The following ANKRD30A variants were observed in gnomAD, a reference collection of about 807,000 sequenced individuals.
ANKRD30A encodes the protein ankyrin repeat domain-containing protein 30A.
A neutral mutation model predicts 166.3 loss-of-function variants in ANKRD30A; 170 were observed. The observed-to-expected ratio is 1.02, with a 90% CI of 0.90 to 1.16. The LOEUF (loss-of-function observed/expected upper bound fraction) is 1.16, where lower values mean the gene tolerates loss of function less well. Among genes scored for constraint, ANKRD30A ranks in the 50% most tolerant of loss-of-function variants. The probability of loss-of-function intolerance (pLI) is 0.00; values close to 1 mark genes in which losing one functional copy is unlikely to be tolerated. For missense variants in ANKRD30A, 1,630 were observed against 1,518.0 expected, an observed-to-expected ratio of 1.07 and a Z score of -1.23; for synonymous variants, 564 against 508.9, an observed-to-expected ratio of 1.11 and a Z score of -1.46.
At position 37,149,669 on chromosome 10, in the gene ANKRD30A, C is replaced by G. The variant is rs750613941; in HGVS notation, c.1562C>G (p.Ser521Cys). 1.7e-5 allele frequency: 27 copies of G among 1,612,266 alleles called. No individual in the cohort carries two copies. In the African/African-American group the frequency reaches 3.3e-4, roughly 20 times the overall value. The change falls in exon 10 of 36, where the codon TCT (serine) becomes TGT (cysteine). Residue 521 changes from serine (S) to cysteine (C), a missense_variant. By Grantham distance (112) the Ser-to-Cys change is moderately radical. This residue lies in a region of ANKRD30A where 904 missense variants were observed against 818.5 expected (regional missense o/e 1.10). Transcript: ENST00000361713. Reference protein sequence around the residue: ...REVEEPPKKPSAFKPAIEMQN... With the variant: ...REVEEPPKKPCAFKPAIEMQN... ...TTTTTAGAGCCTCCTAAGAAGCCAT[C>G]TGCCTTCAAGGTATTTAGTTTTATT...
chr10:37,133,847 T>C lies in ANKRD30A; in HGVS notation c.618-69T>C, dbSNP rs973459115. On this transcript the variant is annotated intron_variant, in intron 4 of 35. Transcript: ENST00000361713. The stretch of plus-strand genomic sequence containing the variant: ...TTGTTGGTACATGTAAATGGTTAAT[T>C]CTACAATGACAGGCACATATTAAAT... The C allele has an allele frequency of 5.2e-6, 8 of 1,549,816 alleles. No individual in the cohort carries two copies. The African/African-American group carries it at 1.1e-4, about 21-fold the overall frequency.
chr10:37,141,943 A>G lies in ANKRD30A; in HGVS notation c.1046A>G (p.Lys349Arg). Residue 349 changes from lysine to arginine, a missense_variant, in exon 7 of 36, where the codon AAG (lysine) becomes AGG (arginine). By Grantham distance (26) the Lys-to-Arg change is conservative (BLOSUM62 2). Around this residue, in one of 4 missense-constraint regions of ANKRD30A, gnomAD observed 904 missense variants for 818.5 expected, o/e 1.10. Transcript: ENST00000361713. ...IQCLEKATSG[K>R]FEQSAEETPR... Reference sequence around the variant, plus strand: ...TGTTTGGAGAAAGCGACATCTGGAAAGTTCGAACAGTCAGCAGAAGAAACA... The same window carrying G: ...TGTTTGGAGAAAGCGACATCTGGAAGGTTCGAACAGTCAGCAGAAGAAACA... The G allele has an allele frequency of 1.2e-6, 2 of 1,614,242 alleles. No homozygotes were observed. The highest frequency in any genetic ancestry group is 1.7e-6 in the Non-Finnish European group (2 of 1,180,042).
chr10:37,152,225 C>T (rs1490015422), intron 12 of ANKRD30A, 104 bp downstream of exon 12: 26 of 937,478 alleles, frequency 2.8e-5, no homozygotes, highest in East Asian at 2.2e-4. Flanking sequence ...TATGTCACCC[C>T]GAAATTATTT....
At chr10:37,204,150 A>G (rs1357790271) in intron 31 of ANKRD30A, among the ~76,000 whole-genome samples, 4 of 152,188 alleles carry the variant, frequency 2.6e-5, no homozygotes, top group Non-Finnish European at 5.9e-5. Flanking sequence ...TAAAGTTCAT[A>G]TGGAACCAAA....
intron 24 of ANKRD30A, among the ~76,000 whole-genome samples, chr10:37,179,055 TATATATATA>T (rs1839984846): frequency 9.4e-5 from 13 of 138,338 alleles, no homozygotes; most frequent in African/African-American, 3.6e-4. Context: ...TATATATATA[TATATATATA>T]GATGTGTGCA....
At chr10:37,154,542 A>G (rs1838219851) in intron 13 of ANKRD30A, among the ~76,000 whole-genome samples, 1 of 152,112 alleles carries the variant, frequency 6.6e-6, no homozygotes, top group Non-Finnish European at 1.5e-5. Flanking sequence ...GTCAGGGGAG[A>G]AGAAGAAAGG....
chr10:37,142,731 C>T (rs897160195), intron 7 of ANKRD30A, among the ~76,000 whole-genome samples: 75 of 151,674 alleles, frequency 4.9e-4, no homozygotes, highest in Non-Finnish European at 1.5e-4. Flanking sequence ...TAGGATTACA[C>T]GTGCCCACCA....
rs1838126456 is a variant in ANKRD30A at position 37,153,581 on chromosome 10, G to A, written c.1717G>A (p.Glu573Lys). 1.2e-6 allele frequency: 2 copies of A among 1,612,120 alleles called. No individual in the cohort carries two copies. The highest frequency in any genetic ancestry group is 3.3e-5 in the Admixed American group (2 of 60,004). ...ENSWDSESLC[E>K]TVSQKDVCLP... Reference sequence around the variant, plus strand: ...CTATTACTTTTAACAGAGTCTCTGTGAGACTGTTTCACAGAAGGATGTGTG... The same window carrying A: ...CTATTACTTTTAACAGAGTCTCTGTAAGACTGTTTCACAGAAGGATGTGTG... The change falls in exon 13 of 36, where the codon GAG becomes AAG. Residue 573 changes from glutamate (E) to lysine (K), a missense_variant. Glu to Lys is a moderately conservative substitution (Grantham distance 56). Coordinates refer to ENST00000361713, the MANE Select transcript of ANKRD30A (RefSeq NM_052997.3).
At chr10:37,247,390 G>T in the ANKRD30A span, among the ~76,000 whole-genome samples, 24 of 152,018 alleles carry the variant, frequency 1.6e-4, no homozygotes, top group Admixed American at 1.4e-3. Context: ...AGTGTTCAAT[G>T]CATTTATCTT....
At chr10:37,224,264 T>C (rs1843026868) in intron 34 of ANKRD30A, among the ~76,000 whole-genome samples, 1 of 151,284 alleles carries the variant, frequency 6.6e-6, no homozygotes, top group Non-Finnish European at 1.5e-5. Context: ...GCATATCTGC[T>C]ATTCTTTAAT....
chr10:37,151,626 A>G (rs1400627042), intron 11 of ANKRD30A, among the ~76,000 whole-genome samples: 1 of 152,158 alleles, frequency 6.6e-6, no homozygotes, highest in African/African-American at 2.4e-5. Flanking sequence ...TTATTCATTG[A>G]TAAATCATCT....
At chr10:37,152,004 A>T (rs45590233) in intron 11 of ANKRD30A, 56 bp from the exon 12 acceptor site, 1 of 1,464,204 alleles carries the variant, frequency 6.8e-7, no homozygotes, top group Non-Finnish European at 9.4e-7. Context: ...ATATGTTTTT[A>T]AAATTTATAG....
At chr10:37,152,517 T>C (rs1306945834) in intron 12 of ANKRD30A, among the ~76,000 whole-genome samples, 1 of 152,078 alleles carries the variant, frequency 6.6e-6, no homozygotes, top group Non-Finnish European at 1.5e-5. Context: ...CATTTTAAAC[T>C]GCAGTATTGT....
chr10:37,130,451 T>A, intron 3 of ANKRD30A, 73 bp downstream of exon 3: 3 of 1,211,856 alleles, frequency 2.5e-6, no homozygotes, highest in Non-Finnish European at 3.2e-6. Flanking sequence ...TGTAAGGTTT[T>A]TTATATTTGG....
rs756620752 is a variant in ANKRD30A, at chr10:37,141,973, G to A, written c.1076G>A (p.Arg359Lys). 8 of 1,614,038 alleles carry A rather than the reference G, an allele frequency of 5.0e-6. No individual in the cohort carries two copies. In the African/African-American group the frequency reaches 8.0e-5, roughly 16 times the overall value. The change falls in exon 7 of 36, where the codon AGG becomes AAG. Residue 359 changes from arginine to lysine, a missense_variant. Arg to Lys is a conservative substitution (Grantham distance 26, BLOSUM62 2). Coordinates refer to ENST00000361713, the MANE Select transcript of ANKRD30A (RefSeq NM_052997.3). ...KFEQSAEETP[R>K]EITSPAKETS... ...GAACAGTCAGCAGAAGAAACACCTA[G>A]GGAAATTACGAGTCCTGCAAAAGAA...
intron 31 of ANKRD30A, among the ~76,000 whole-genome samples, chr10:37,209,441 G>A (rs191893557): frequency 1.4e-3 from 219 of 152,126 alleles, no homozygotes; most frequent in African/African-American, 5.0e-3. Context: ...GAGGTGGGAG[G>A]TGCCATGCAT....
intron 1 of ANKRD30A, among the ~76,000 whole-genome samples, chr10:37,126,357 A>G (rs1448000395): frequency 3.3e-5 from 5 of 152,236 alleles, no homozygotes; most frequent in Non-Finnish European, 5.9e-5. Context: ...TTTACATTTA[A>G]TGTACAGGTT....
At chr10:37,171,688 T>A (rs1839575030) in intron 21 of ANKRD30A, among the ~76,000 whole-genome samples, 1 of 151,162 alleles carries the variant, frequency 6.6e-6, no homozygotes, top group African/African-American at 2.4e-5. Flanking sequence ...CCTCTGAGTC[T>A]TTTTTCTCTT....
At chr10:37,244,806 C>T in the ANKRD30A span, among the ~76,000 whole-genome samples, 2 of 152,166 alleles carry the variant, frequency 1.3e-5, no homozygotes, top group South Asian at 2.1e-4. Context: ...TCTATTTCAC[C>T]CACCATTCAG....
Sources: gnomAD v4.1 joint callset for allele counts (sites outside exome capture counted in the v4.1 genomes callset) on GRCh38, gnomAD v4.1.1 for gene constraint, gnomAD v4.1.1 regional missense constraint, MANE v1.5 for transcripts, NCBI Gene and HGNC (gene_info 2026-07-23, HGNC 2026-07-21) for gene names.